Variants in TRPM3 observed in about 807,000 individuals in gnomAD.
TRPM3 encodes the protein long transient receptor potential channel 3.
TRPM3 carries 77 observed loss-of-function variants against 181.2 expected under a neutral mutation model. The observed-to-expected ratio is 0.42, with a 90% CI of 0.35 to 0.51. The LOEUF (loss-of-function observed/expected upper bound fraction) is 0.51, where lower values mean the gene tolerates loss of function less well. TRPM3 is among the 20% of genes least tolerant of loss of function. The pLI is 0.01. For synonymous variants in TRPM3, 745 were observed against 796.4 expected, an observed-to-expected ratio of 0.94 and a Z score of 1.09; for missense variants, 1,759 against 2,196.7, an observed-to-expected ratio of 0.80 and a Z score of 3.98.
chr9:70,753,102 G>A (rs888339181), intron 8 of TRPM3, among the ~76,000 whole-genome samples: 1 of 151,818 alleles, frequency 6.6e-6, no homozygotes. Flanking sequence ...GCAAGACTCT[G>A]TCTCAAAAAA....
intron 1 of TRPM3, among the ~76,000 whole-genome samples, chr9:70,981,494 AG>A (rs1385760849): frequency 6.6e-6 from 1 of 152,200 alleles, no homozygotes; most frequent in African/African-American, 2.4e-5. Context: ...TGAATTGGGA[AG>A]TGCCTAAATA....
intron 1 of TRPM3, among the ~76,000 whole-genome samples, chr9:71,315,472 C>G (rs976543576): frequency 6.6e-6 from 1 of 152,126 alleles, no homozygotes; most frequent in African/African-American, 2.4e-5. Context: ...TATCTTTCTA[C>G]TCTGTCTAGA....
In TRPM3 at chr9:71,127,833, A is replaced by G. The variant is rs368599107; in HGVS notation, c.184-263322T>C. On this transcript the variant is annotated intron_variant, in intron 1 of 24. Coordinates refer to the TRPM3 transcript ENST00000357533. ...CATGTCACTTTGGGGAAGTTATTTAATCTTATCATGCTTTAGTGCCTTCAT... is the reference window on the plus strand; with the variant it reads ...CATGTCACTTTGGGGAAGTTATTTAGTCTTATCATGCTTTAGTGCCTTCAT... 4.1e-4 allele frequency among the ~76,000 whole-genome samples: 62 copies of G among 152,286 alleles called. 2 individuals are homozygous for G. The South Asian group carries it at 0.011, about 28-fold the overall frequency.
chr9:71,286,905 A>G (rs1302303790), intron 1 of TRPM3, among the ~76,000 whole-genome samples: 1 of 147,862 alleles, frequency 6.8e-6, no homozygotes, highest in Non-Finnish European at 1.5e-5. Flanking sequence ...CTCTCACAGA[A>G]GCATTCTTTG....
chr9:71,175,780 A>G (rs2077078370), intron 1 of TRPM3, among the ~76,000 whole-genome samples: 4 of 152,216 alleles, frequency 2.6e-5, no homozygotes, highest in African/African-American at 9.6e-5. Context: ...AGCAGCAGAA[A>G]TGTTAGCAGC....
At chr9:70,676,660 G>T (rs997799984) in intron 9 of TRPM3, among the ~76,000 whole-genome samples, 1 of 152,146 alleles carries the variant, frequency 6.6e-6, no homozygotes, top group African/African-American at 2.4e-5. Flanking sequence ...TCTTCTCAAA[G>T]AATCTCACTC....
At chr9:70,632,901 C>T (rs1488314923) in intron 12 of TRPM3, among the ~76,000 whole-genome samples, 1 of 152,150 alleles carries the variant, frequency 6.6e-6, no homozygotes, top group African/African-American at 2.4e-5. Context: ...ATGCAAAAGG[C>T]AGCTCAAGGG....
At chr9:70,979,230 C>T (rs886543174) in intron 1 of TRPM3, among the ~76,000 whole-genome samples, 3 of 152,124 alleles carry the variant, frequency 2.0e-5, no homozygotes, top group African/African-American at 7.2e-5. Flanking sequence ...TTCCATTGCC[C>T]GTTAACCTAC....
intron 18 of TRPM3, among the ~76,000 whole-genome samples, chr9:70,613,700 T>G (rs563500371): frequency 6.6e-6 from 1 of 152,218 alleles, no homozygotes; most frequent in Non-Finnish European, 1.5e-5. Flanking sequence ...GAGAAGAAGC[T>G]TGGGCAGCAA....
intron 1 of TRPM3, among the ~76,000 whole-genome samples, chr9:70,916,665 A>G (rs1589756593): frequency 1.3e-5 from 2 of 152,166 alleles, no homozygotes; most frequent in South Asian, 4.1e-4. Flanking sequence ...TTTGATATAT[A>G]GTTGTATAAA....
chr9:70,615,511 G>A (rs2062654203), intron 18 of TRPM3, among the ~76,000 whole-genome samples: 1 of 152,224 alleles, frequency 6.6e-6, no homozygotes, highest in Non-Finnish European at 1.5e-5. Context: ...CTTAGCTTCT[G>A]ATCCGCAGAA....
chr9:71,437,866 A>G lies in TRPM3; in HGVS notation c.183+8787T>C, dbSNP rs1185246334. Among the ~76,000 whole-genome samples, 27 of 11,114 alleles carry G rather than the reference A, an allele frequency of 2.4e-3. No individual in the cohort carries two copies. In the South Asian group the frequency reaches 0.15, roughly 62 times the overall value. The allele number at this position is 11,114 out of a possible 152,430, so 7.3% of individuals were successfully genotyped here. On this transcript the variant is annotated intron_variant, in intron 1 of 24. Coordinates refer to the TRPM3 transcript ENST00000357533. ...CCGGGCAAAAGAGCGAAACTCCGGA[A>G]AAAAAAAAAAAAAAGAAAAAAAAAC...
chr9:71,423,817 G>A (rs369603199), intron 1 of TRPM3, among the ~76,000 whole-genome samples: 3 of 152,016 alleles, frequency 2.0e-5, no homozygotes, highest in African/African-American at 7.2e-5. Flanking sequence ...GTTCCTCCCC[G>A]GAGATGACTT....
intron 1 of TRPM3, among the ~76,000 whole-genome samples, chr9:71,276,901 C>A (rs1391610739): frequency 6.6e-6 from 1 of 152,070 alleles, no homozygotes; most frequent in African/African-American, 2.4e-5. Flanking sequence ...CCCATGTGTG[C>A]CTCATAAGTA....
chr9:70,842,708 A>G (rs1461304770), intron 5 of TRPM3, among the ~76,000 whole-genome samples: 1 of 152,124 alleles, frequency 6.6e-6, no homozygotes, highest in Non-Finnish European at 1.5e-5. Context: ...CTATACCAAG[A>G]GTAATTGCAG....
chr9:70,694,842 T>G (rs186553779), intron 8 of TRPM3, among the ~76,000 whole-genome samples: 145 of 152,368 alleles, frequency 9.5e-4, no homozygotes, highest in Non-Finnish European at 1.7e-3. Context: ...GTTGTTCATA[T>G]GTTTTTCGGC....
At chr9:70,814,119 TC>T (rs1463773552) in intron 6 of TRPM3, among the ~76,000 whole-genome samples, 1 of 152,222 alleles carries the variant, frequency 6.6e-6, no homozygotes, top group African/African-American at 2.4e-5. Flanking sequence ...TATTTTGAGT[TC>T]TTATTTTTGC....
chr9:70,875,112 C>T (rs2095848863), intron 1 of TRPM3, among the ~76,000 whole-genome samples: 2 of 151,862 alleles, frequency 1.3e-5, no homozygotes, highest in South Asian at 4.2e-4. Flanking sequence ...CCATTCAAAG[C>T]AATAGTAAGG....
At chr9:70,898,413 C>T (rs554385992) in intron 1 of TRPM3, among the ~76,000 whole-genome samples, 7 of 151,078 alleles carry the variant, frequency 4.6e-5, no homozygotes, top group Non-Finnish European at 8.9e-5. Context: ...TGAGCCACCG[C>T]GCCCGGCCAC....
Sources: allele counts gnomAD v4.1 joint callset (sites outside exome capture counted in the v4.1 genomes callset), GRCh38; gene constraint gnomAD v4.1.1; transcripts MANE v1.5; gene names NCBI Gene and HGNC (gene_info 2026-07-23, HGNC 2026-07-21).